SEMA6D: variants seen among roughly 807,000 people sequenced by gnomAD.
SEMA6D encodes the protein semaphorin 6D.
Under a neutral mutation model 106.6 loss-of-function variants are expected in SEMA6D, and 35 were observed. That is an observed-to-expected ratio of 0.33 (90% CI 0.25 to 0.44). The LOEUF is 0.44. Among genes scored for constraint, SEMA6D ranks in the 20% least tolerant of loss-of-function variants. The probability of loss-of-function intolerance (pLI) is 1.00; values close to 1 mark genes in which losing one functional copy is unlikely to be tolerated. For synonymous variants in SEMA6D, 499 were observed against 487.7 expected, an observed-to-expected ratio of 1.02 and a Z score of -0.31; for missense variants, 1,185 against 1,345.9, an observed-to-expected ratio of 0.88 and a Z score of 1.87.
intron 3 of SEMA6D, among the ~76,000 whole-genome samples, chr15:47,599,160 T>C (rs577200317): frequency 6.6e-6 from 1 of 152,242 alleles, no homozygotes; most frequent in Admixed American, 6.5e-5. Context: ...CTTATGCACA[T>C]ACATTTAAAT....
chr15:47,320,212 T>C (rs558096030), intron 1 of SEMA6D, among the ~76,000 whole-genome samples: 1 of 152,312 alleles, frequency 6.6e-6, no homozygotes, highest in African/African-American at 2.4e-5. Flanking sequence ...TCTGTAGGGA[T>C]GCTCAACAGT....
chr15:47,499,801 G>A (rs986211711), intron 3 of SEMA6D, among the ~76,000 whole-genome samples: 2 of 152,018 alleles, frequency 1.3e-5, no homozygotes, highest in Non-Finnish European at 2.9e-5. Context: ...TTGATAGCCT[G>A]TTATTTCTCC....
At chr15:47,744,089 A>C (rs1322584425) in intron 1 of SEMA6D, among the ~76,000 whole-genome samples, 1 of 152,302 alleles carries the variant, frequency 6.6e-6, no homozygotes, top group East Asian at 1.9e-4. Context: ...TCCAGATGCT[A>C]TGGTGGGTAA....
At chr15:47,251,907 A>ATTTTTTT (rs994788645) in intron 1 of SEMA6D, among the ~76,000 whole-genome samples, 3 of 81,996 alleles carry the variant, frequency 3.7e-5, no homozygotes, top group South Asian at 5.3e-4. Flanking sequence ...TTCTAATTGG[A>ATTTTTTT]TTTTTTTTTT....
At chr15:47,213,802 G>A (rs188990814) in intron 1 of SEMA6D, among the ~76,000 whole-genome samples, 20 of 152,248 alleles carry the variant, frequency 1.3e-4, no homozygotes, top group Admixed American at 9.2e-4. Flanking sequence ...ACACATTGAG[G>A]TGCTGTGATC....
intron 3 of SEMA6D, among the ~76,000 whole-genome samples, chr15:47,521,171 C>T (rs752290145): frequency 2.0e-5 from 3 of 152,170 alleles, no homozygotes; most frequent in Non-Finnish European, 2.9e-5. Flanking sequence ...TGCATTCATT[C>T]ACATGACCTG....
At position 47,538,253 on chromosome 15, in the gene SEMA6D, A is replaced by C. The variant is rs540910972; in HGVS notation, c.-86-62612A>C. Among the ~76,000 whole-genome samples the C allele has an allele frequency of 3.9e-5, 6 of 152,296 alleles. No individual in the cohort carries two copies. In the East Asian group the frequency reaches 1.2e-3, roughly 29 times the overall value. On this transcript the variant is annotated intron_variant, in intron 3 of 19. Coordinates refer to the SEMA6D transcript ENST00000558014. ...CAGTTGTTCAAATTTCCACTTCCTC[A>C]TATTATATTCTTCACATCTAGTAGT...
chr15:47,641,631 T>G (rs2077490896), intron 4 of SEMA6D, among the ~76,000 whole-genome samples: 1 of 152,154 alleles, frequency 6.6e-6, no homozygotes, highest in South Asian at 2.1e-4. Flanking sequence ...TTTACCAGCT[T>G]AATTCCTATT....
chr15:47,258,143 G>C (rs983414055), intron 1 of SEMA6D, among the ~76,000 whole-genome samples: 2 of 151,982 alleles, frequency 1.3e-5, no homozygotes, highest in African/African-American at 2.4e-5. Context: ...ACTTAGGGTG[G>C]GAAATTTTAA....
chr15:47,582,598 C>T (rs1241755735), intron 3 of SEMA6D, among the ~76,000 whole-genome samples: 1 of 152,150 alleles, frequency 6.6e-6, no homozygotes, highest in Non-Finnish European at 1.5e-5. Context: ...CTGCCCACAG[C>T]CCTGAGCTCA....
chr15:47,600,126 G>T (rs2076618060), intron 3 of SEMA6D, among the ~76,000 whole-genome samples: 1 of 152,110 alleles, frequency 6.6e-6, no homozygotes, highest in Non-Finnish European at 1.5e-5. Context: ...TTAAAATGTA[G>T]AATAAATGCT....
intron 4 of SEMA6D, among the ~76,000 whole-genome samples, chr15:47,617,491 G>C (rs2077028059): frequency 1.3e-5 from 2 of 152,136 alleles, no homozygotes; most frequent in Non-Finnish European, 2.9e-5. Flanking sequence ...CTTTGAATGT[G>C]ACACCATAAC....
rs2038113553 is a variant in SEMA6D at position 47,347,997 on chromosome 15, CTT to C, written c.-238-64394_-238-64393del. On this transcript the variant is annotated intron_variant, in intron 1 of 19. Transcript: ENST00000558014. ...ATACTGTTTCCTGGAAGTCTCCACTCTTTGCCCTGTTTTTCTTCCATTAAAAT... is the reference window on the plus strand; with the variant it reads ...ATACTGTTTCCTGGAAGTCTCCACTCTGCCCTGTTTTTCTTCCATTAAAAT... 2.0e-5 allele frequency among the ~76,000 whole-genome samples: 3 copies of C among 152,286 alleles called. No individual in the cohort carries two copies. The South Asian group carries it at 6.2e-4, about 32-fold the overall frequency.
chr15:47,628,282 C>T (rs1372680172), intron 4 of SEMA6D, among the ~76,000 whole-genome samples: 2 of 136,866 alleles, frequency 1.5e-5, no homozygotes, highest in African/African-American at 4.9e-5. Flanking sequence ...GATTAAGGCA[C>T]TTGCAGGGTT....
Position 47,350,119 on chromosome 15 carries a change from A to T in SEMA6D, c.-238-62274A>T, listed in dbSNP as rs145000241. ...TAAGTGTTTTCATTATAACCGGGTC[A>T]TGTCCCTTAATCACAAATCAAATTT... On this transcript the variant is annotated intron_variant, in intron 1 of 19. Transcript: ENST00000558014. Among the ~76,000 whole-genome samples, 423 of 152,330 alleles carry T rather than the reference A, an allele frequency of 2.8e-3. 4 individuals carry two copies. The highest frequency in any genetic ancestry group is 9.8e-3 in the African/African-American group (407 of 41,566).
intron 3 of SEMA6D, among the ~76,000 whole-genome samples, chr15:47,594,687 C>T (rs1323720458): frequency 1.3e-5 from 2 of 152,104 alleles, no homozygotes; most frequent in African/African-American, 4.8e-5. Flanking sequence ...GGAGGTGGAC[C>T]TTTACACAGA....
intron 3 of SEMA6D, among the ~76,000 whole-genome samples, chr15:47,506,463 A>T (rs1319941165): frequency 6.6e-6 from 1 of 152,150 alleles, no homozygotes; most frequent in Non-Finnish European, 1.5e-5. Context: ...ACTTGGCAGG[A>T]TACCAAAATA....
At chr15:47,207,525 T>A (rs930546870) in intron 1 of SEMA6D, among the ~76,000 whole-genome samples, 1 of 152,188 alleles carries the variant, frequency 6.6e-6, no homozygotes, top group Non-Finnish European at 1.5e-5. Flanking sequence ...TATTTATGAA[T>A]CAGGCACAAG....
chr15:47,506,285 A>G (rs1490951887), intron 3 of SEMA6D, among the ~76,000 whole-genome samples: 2 of 152,112 alleles, frequency 1.3e-5, no homozygotes, highest in Non-Finnish European at 2.9e-5. Context: ...CTTAGAGGGC[A>G]CCTTTAGGTT....
Sources: gnomAD v4.1 joint callset for allele counts (sites outside exome capture counted in the v4.1 genomes callset) on GRCh38, gnomAD v4.1.1 for gene constraint, MANE v1.5 for transcripts, NCBI Gene and HGNC (gene_info 2026-07-23, HGNC 2026-07-21) for gene names.